CPNE4: variants seen among roughly 807,000 people sequenced by gnomAD.
The protein encoded by CPNE4 is copine-4.
In CPNE4, 25 loss-of-function variants were observed where a neutral mutation model predicts 67.9. That is an observed-to-expected ratio of 0.37 (90% confidence interval 0.27 to 0.51). CPNE4 has a LOEUF of 0.51. Ranked by LOEUF, CPNE4 falls within the 20% of genes least tolerant of loss-of-function variation. The pLI is 0.93. For synonymous variants in CPNE4, 242 were observed against 244.9 expected (o/e 0.99, Z 0.11); for missense variants, 464 against 690.8 (o/e 0.67, Z 3.68).
chr3:131,874,124 T>G (rs55772913), intron 2 of CPNE4, among the ~76,000 whole-genome samples: 15,230 of 151,432 alleles, frequency 0.1, 849 homozygotes, highest in Middle Eastern at 0.14. Flanking sequence ...AATTTCGCTC[T>G]GTCGCCCAGG....
intron 2 of CPNE4, among the ~76,000 whole-genome samples, chr3:131,891,624 T>G (rs1346865515): frequency 3.3e-5 from 5 of 152,114 alleles, no homozygotes; most frequent in Admixed American, 2.0e-4. Flanking sequence ...CTGCTATGTG[T>G]ACATGTGTTC....
At chr3:131,894,752 C>T (rs998382669) in intron 2 of CPNE4, among the ~76,000 whole-genome samples, 2 of 152,036 alleles carry the variant, frequency 1.3e-5, no homozygotes, top group Non-Finnish European at 1.5e-5. Flanking sequence ...AGCACTTACA[C>T]GCTATTGGAG....
intron 2 of CPNE4, among the ~76,000 whole-genome samples, chr3:131,824,201 C>T (rs576084782): frequency 7.3e-5 from 11 of 151,546 alleles, no homozygotes; most frequent in African/African-American, 2.4e-4. Flanking sequence ...TGAGAAGCCC[C>T]ATCTAACACT....
At position 131,736,489 on chromosome 3, in the gene CPNE4, G is replaced by A. The variant is rs372930217; in HGVS notation, c.181-12864C>T. 1.8e-3 allele frequency among the ~76,000 whole-genome samples: 279 copies of A among 151,828 alleles called. 1 individual carries two copies. Among genetic ancestry groups the A allele is most frequent in the African/African-American group, 6.2e-3 (258 of 41,402 alleles). ...ACAAAAATTAACTGGGCATGGTGGC[G>A]CATGCCTGTAGTCCCAGCTACTCGG... On this transcript the variant is annotated intron_variant, in intron 2 of 15. Transcript: ENST00000429747.
At chr3:131,828,407 T>G (rs1272514858) in intron 2 of CPNE4, among the ~76,000 whole-genome samples, 1 of 152,242 alleles carries the variant, frequency 6.6e-6, no homozygotes, top group Non-Finnish European at 1.5e-5. Context: ...TTTTAATATT[T>G]GACTCCCATC....
chr3:132,010,907 T>C (rs1412731920), intron 1 of CPNE4, among the ~76,000 whole-genome samples: 3 of 152,134 alleles, frequency 2.0e-5, no homozygotes, highest in Non-Finnish European at 4.4e-5. Flanking sequence ...CTTTTCCTGA[T>C]AGCTTCAAAG....
chr3:131,876,281 A>ATACATACATACATAC (rs2087447117), intron 2 of CPNE4, among the ~76,000 whole-genome samples: 3 of 140,318 alleles, frequency 2.1e-5, no homozygotes, highest in Non-Finnish European at 3.1e-5. Flanking sequence ...TAAATAAATA[A>ATACATACATACATAC]ATACGAATAC....
intron 2 of CPNE4, among the ~76,000 whole-genome samples, chr3:131,749,528 C>T (rs1406388875): frequency 6.6e-6 from 1 of 152,018 alleles, no homozygotes; most frequent in African/African-American, 2.4e-5. Flanking sequence ...GTTGTTTTAT[C>T]AATTGCTGAG....
chr3:131,971,165 TTA>T (rs1249906199), intron 1 of CPNE4, among the ~76,000 whole-genome samples: 1 of 152,194 alleles, frequency 6.6e-6, no homozygotes, highest in Non-Finnish European at 1.5e-5. Context: ...GCTGGGTCTG[TTA>T]ACTGGAGTGC....
intron 7 of CPNE4, among the ~76,000 whole-genome samples, chr3:131,593,706 G>T (rs59981240): frequency 0.12 from 18,969 of 151,806 alleles, 1,546 homozygotes; most frequent in African/African-American, 0.23. Flanking sequence ...ACTATGGTTT[G>T]TTTGTTTGTT....
intron 7 of CPNE4, among the ~76,000 whole-genome samples, chr3:131,639,095 A>T (rs1192225386): frequency 6.6e-6 from 1 of 152,052 alleles, no homozygotes; most frequent in African/African-American, 2.4e-5. Flanking sequence ...AGGTCACATC[A>T]CATGGAACTG....
chr3:131,724,052 C>A (rs964999853), intron 2 of CPNE4, among the ~76,000 whole-genome samples: 2 of 151,948 alleles, frequency 1.3e-5, no homozygotes, highest in Admixed American at 6.6e-5. Flanking sequence ...CCTTGTCCTG[C>A]CTAATGTGCC....
chr3:131,875,237 A>T (rs949798530), intron 2 of CPNE4, among the ~76,000 whole-genome samples: 1 of 152,210 alleles, frequency 6.6e-6, no homozygotes, highest in Non-Finnish European at 1.5e-5. Flanking sequence ...AAAAAGACTA[A>T]ATCTTTCAAC....
At chr3:131,761,120 G>C (rs1375921552) in intron 2 of CPNE4, among the ~76,000 whole-genome samples, 1 of 146,122 alleles carries the variant, frequency 6.8e-6, no homozygotes, top group Non-Finnish European at 1.5e-5. Flanking sequence ...CCCTCAAGAG[G>C]GAGGAGACAG....
chr3:131,917,565 C>CTCTCTG (rs1404698274), intron 1 of CPNE4, among the ~76,000 whole-genome samples: 1 of 151,906 alleles, frequency 6.6e-6, no homozygotes, highest in Non-Finnish European at 1.5e-5. Context: ...TTCTTGCTCT[C>CTCTCTG]TCTCTCTCTC....
At chr3:132,036,364 T>C (rs536416547), upstream of CPNE4, among the ~76,000 whole-genome samples, 1 of 152,236 alleles carries the variant, frequency 6.6e-6, no homozygotes, top group South Asian at 2.1e-4. Flanking sequence ...GAGCATGTGA[T>C]GTCTTCTATA....
At chr3:131,609,376 G>A (rs16837233) in intron 7 of CPNE4, among the ~76,000 whole-genome samples, 20,107 of 152,098 alleles carry the variant, frequency 0.13, 1,877 homozygotes, top group African/African-American at 0.26. Context: ...ACTAGACACC[G>A]TCAAGGGAAT....
At chr3:132,019,565 T>C (rs1403397843) in intron 1 of CPNE4, among the ~76,000 whole-genome samples, 1 of 152,194 alleles carries the variant, frequency 6.6e-6, no homozygotes, top group Non-Finnish European at 1.5e-5. Context: ...TACAATCATA[T>C]AATTTGTCCA....
chr3:131,736,815 A>C (rs2082245462), intron 2 of CPNE4, among the ~76,000 whole-genome samples: 1 of 152,110 alleles, frequency 6.6e-6, no homozygotes, highest in Admixed American at 6.5e-5. Context: ...CTACTCTAGA[A>C]GATTCAAGCT....
Sources: gnomAD v4.1 joint callset for allele counts (sites outside exome capture counted in the v4.1 genomes callset) on GRCh38, gnomAD v4.1.1 for gene constraint, MANE v1.5 for transcripts, NCBI Gene and HGNC (gene_info 2026-07-23, HGNC 2026-07-21) for gene names.